Variants in ROBO1 observed in about 807,000 individuals in gnomAD.
ROBO1 encodes the protein roundabout guidance receptor 1, also known as roundabout homolog 1.
Under a neutral mutation model 195.9 loss-of-function variants are expected in ROBO1, and 149 were observed. The observed-to-expected ratio is 0.76, with a 90% CI of 0.67 to 0.87. The LOEUF (loss-of-function observed/expected upper bound fraction) is 0.87. ROBO1 is among the 40% of genes least tolerant of loss of function. The probability of loss-of-function intolerance (pLI) is 0.00; values close to 1 mark genes in which losing one functional copy is unlikely to be tolerated. For synonymous variants in ROBO1, 816 were observed against 733.2 expected, an observed-to-expected ratio of 1.11 and a Z score of -1.82; for missense variants, 1,933 against 2,068.3, an observed-to-expected ratio of 0.93 and a Z score of 1.27.
At chr3:78,693,610 G>A (rs548793990) in intron 8 of ROBO1, among the ~76,000 whole-genome samples, 23 of 152,248 alleles carry the variant, frequency 1.5e-4, no homozygotes, top group Middle Eastern at 6.8e-3. Flanking sequence ...GAGCTACAAT[G>A]AATGAGAGCT....
chr3:79,050,422 G>C (rs1159467488), intron 3 of ROBO1, among the ~76,000 whole-genome samples: 1 of 152,066 alleles, frequency 6.6e-6, no homozygotes, highest in Non-Finnish European at 1.5e-5. Flanking sequence ...CCTACAAAGA[G>C]ACTTAGACTC....
At chr3:78,944,430 C>T (rs910687349) in intron 3 of ROBO1, among the ~76,000 whole-genome samples, 10 of 152,206 alleles carry the variant, frequency 6.6e-5, no homozygotes, top group East Asian at 1.9e-4. Flanking sequence ...AGAAAGTGAG[C>T]CCTCATCAGA....
At position 78,842,923 on chromosome 3, in the gene ROBO1, G is replaced by A. The variant is rs372312181; in HGVS notation, c.499+95678C>T. Among the ~76,000 whole-genome samples the A allele has an allele frequency of 2.6e-5, 4 of 151,988 alleles. No individual in the cohort carries two copies. The East Asian group carries it at 5.8e-4, about 22-fold the overall frequency. On this transcript the variant is annotated intron_variant, in intron 4 of 30. Coordinates refer to ENST00000464233, the MANE Select transcript of ROBO1 (RefSeq NM_002941.4). Reference sequence around the variant, plus strand: ...CATTTATACCAGATTATTCACTACAGAGCTATTTGCTACATTAGAGGGATT... The same window carrying A: ...CATTTATACCAGATTATTCACTACAAAGCTATTTGCTACATTAGAGGGATT...
chr3:79,439,023 T>C (rs1239924922), intron 2 of ROBO1, among the ~76,000 whole-genome samples: 1 of 152,102 alleles, frequency 6.6e-6, no homozygotes, highest in African/African-American at 2.4e-5. Context: ...TGTTTTTCAA[T>C]GTTTGGATGA....
At chr3:78,887,976 ATTTG>A (rs1368338107) in intron 4 of ROBO1, among the ~76,000 whole-genome samples, 1 of 152,206 alleles carries the variant, frequency 6.6e-6, no homozygotes, top group Non-Finnish European at 1.5e-5. Context: ...TCCAGAAAGC[ATTTG>A]TGAGTTTAAT....
intron 2 of ROBO1, among the ~76,000 whole-genome samples, chr3:79,548,472 T>C (rs1289006750): frequency 6.6e-6 from 1 of 152,178 alleles, no homozygotes; most frequent in African/African-American, 2.4e-5. Flanking sequence ...GGAACCACAC[T>C]GATAAGTGGA....
chr3:78,649,823 G>A (rs1706534988), intron 19 of ROBO1, among the ~76,000 whole-genome samples: 1 of 152,108 alleles, frequency 6.6e-6, no homozygotes, highest in Non-Finnish European at 1.5e-5. Context: ...TTTGCACAAA[G>A]AGCACATAGG....
chr3:79,631,505 A>C (rs1945339706), intron 1 of ROBO1, among the ~76,000 whole-genome samples: 1 of 152,074 alleles, frequency 6.6e-6, no homozygotes, highest in Admixed American at 6.6e-5. Context: ...TTAAAGACTT[A>C]ATTATAAGAC....
At chr3:79,549,322 T>C (rs560347809) in intron 2 of ROBO1, among the ~76,000 whole-genome samples, 6 of 152,158 alleles carry the variant, frequency 3.9e-5, no homozygotes, top group Non-Finnish European at 8.8e-5. Flanking sequence ...TACATGTATG[T>C]ACATATATAT....
chr3:79,402,560 T>A (rs1378371621), intron 2 of ROBO1, among the ~76,000 whole-genome samples: 1 of 151,940 alleles, frequency 6.6e-6, no homozygotes, highest in Admixed American at 6.6e-5. Context: ...TGAACACATG[T>A]GCTCACTCTT....
At chr3:78,892,456 T>C (rs2036962349) in intron 4 of ROBO1, among the ~76,000 whole-genome samples, 1 of 152,214 alleles carries the variant, frequency 6.6e-6, no homozygotes, top group East Asian at 1.9e-4. Context: ...GGGCAAGTGA[T>C]GTAATCACTG....
intron 1 of ROBO1, among the ~76,000 whole-genome samples, chr3:79,648,932 G>A (rs1362882619): frequency 1.3e-5 from 2 of 152,062 alleles, no homozygotes; most frequent in East Asian, 3.9e-4. Flanking sequence ...AAAGTACATT[G>A]AGAAAATAGT....
intron 4 of ROBO1, among the ~76,000 whole-genome samples, chr3:78,936,622 A>G (rs984129695): frequency 3.9e-5 from 6 of 152,018 alleles, no homozygotes; most frequent in Admixed American, 1.3e-4. Flanking sequence ...AACAATTACT[A>G]TATGAGCTAT....
chr3:78,672,937 A>G (rs1243520205), intron 10 of ROBO1, among the ~76,000 whole-genome samples: 2 of 152,206 alleles, frequency 1.3e-5, no homozygotes, highest in Non-Finnish European at 2.9e-5. Flanking sequence ...GAAATGTTCC[A>G]TATCTACAAC....
chr3:79,383,813 G>A (rs968357651), intron 2 of ROBO1, among the ~76,000 whole-genome samples: 1 of 151,966 alleles, frequency 6.6e-6, no homozygotes, highest in Non-Finnish European at 1.5e-5. Context: ...GTAGATGTCT[G>A]GGCAGGTCAG....
chr3:79,735,496 T>C (rs73849828), intron 1 of ROBO1, among the ~76,000 whole-genome samples: 5,583 of 152,254 alleles, frequency 0.037, 350 homozygotes, highest in African/African-American at 0.13. Flanking sequence ...CCACCTCCTG[T>C]ATAGTACTTT....
chr3:78,744,027 T>G (rs1464401161), intron 5 of ROBO1, among the ~76,000 whole-genome samples: 1 of 152,200 alleles, frequency 6.6e-6, no homozygotes, highest in Non-Finnish European at 1.5e-5. Flanking sequence ...TTCTGACTCA[T>G]GTATCCAACT....
intron 2 of ROBO1, among the ~76,000 whole-genome samples, chr3:79,413,355 TGTGGCCAG>T (rs761859352): frequency 6.6e-6 from 1 of 151,978 alleles, no homozygotes; most frequent in Non-Finnish European, 1.5e-5. Context: ...AGGAGGAGAT[TGTGGCCAG>T]GTGCAGAGAA....
At chr3:79,593,449 T>G (rs780832787) in intron 1 of ROBO1, among the ~76,000 whole-genome samples, 6 of 152,042 alleles carry the variant, frequency 3.9e-5, no homozygotes, top group Non-Finnish European at 8.8e-5. Flanking sequence ...GTTTTGGCCA[T>G]TCTAGTGGGC....
Sources: allele counts gnomAD v4.1 joint callset (sites outside exome capture counted in the v4.1 genomes callset), GRCh38; gene constraint gnomAD v4.1.1; transcripts MANE v1.5; gene names NCBI Gene and HGNC (gene_info 2026-07-23, HGNC 2026-07-21).